Variants in RABGAP1 observed in about 807,000 individuals in gnomAD.
The protein encoded by RABGAP1 is RAB GTPase activating protein 1.
A neutral mutation model predicts 137.6 loss-of-function variants in RABGAP1; 23 were observed. That is an observed-to-expected ratio of 0.17 (90% CI 0.12 to 0.24). RABGAP1 has a LOEUF of 0.24. Among genes scored for constraint, RABGAP1 ranks in the 10% least tolerant of loss-of-function variants. The pLI is 1.00. For missense variants in RABGAP1, 906 were observed against 1,275.8 expected, an observed-to-expected ratio of 0.71 and a Z score of 4.42; for synonymous variants, 451 against 450.7, an observed-to-expected ratio of 1.00 and a Z score of -0.01.
chr9:123,082,764 C>A (rs541083408), intron 19 of RABGAP1, among the ~76,000 whole-genome samples: 1 of 152,332 alleles, frequency 6.6e-6, no homozygotes, highest in African/African-American at 2.4e-5. Flanking sequence ...AGAAAAGATA[C>A]TAGTACAAAA....
intron 13 of RABGAP1, among the ~76,000 whole-genome samples, chr9:123,021,900 A>C (rs916916593): frequency 6.6e-6 from 1 of 152,240 alleles, no homozygotes; most frequent in Non-Finnish European, 1.5e-5. Context: ...GGGAGCCATC[A>C]AAAGAAGTTA....
rs930038020 is a variant in RABGAP1, at chr9:122,992,044, C to CT, written c.923+1841dup. Reference sequence around the variant, plus strand: ...CCTTTAAACTAAATATATTTTCTTTCTTTTTTTTTTGAGACAGAGCCTTGC... The same window carrying CT: ...CCTTTAAACTAAATATATTTTCTTTCTTTTTTTTTTTGAGACAGAGCCTTGC... On this transcript the variant is annotated intron_variant, in intron 6 of 25. Coordinates refer to ENST00000373647, the MANE Select transcript of RABGAP1 (RefSeq NM_012197.4). 6.7e-3 allele frequency among the ~76,000 whole-genome samples: 987 copies of CT among 148,402 alleles called. 6 individuals carry two copies. The highest frequency in any genetic ancestry group is 0.022 in the African/African-American group (894 of 40,528).
At chr9:122,981,379 G>A (rs564781747) in intron 2 of RABGAP1, among the ~76,000 whole-genome samples, 1 of 152,246 alleles carries the variant, frequency 6.6e-6, no homozygotes, top group East Asian at 1.9e-4. Context: ...ATGTATTAAT[G>A]TTGACTATAT....
chr9:122,979,781 T>A (rs1027741255), intron 2 of RABGAP1, among the ~76,000 whole-genome samples: 3 of 152,262 alleles, frequency 2.0e-5, no homozygotes, highest in Admixed American at 6.5e-5. Flanking sequence ...TGTGTGCATC[T>A]GTTTCTGGAC....
At chr9:123,037,725 T>G (rs551631700) in intron 13 of RABGAP1, among the ~76,000 whole-genome samples, 5 of 152,194 alleles carry the variant, frequency 3.3e-5, no homozygotes, top group African/African-American at 4.8e-5. Flanking sequence ...TCTTATTTTG[T>G]TGTGTGTGTA....
At chr9:122,933,539 C>A in the RABGAP1 span, among the ~76,000 whole-genome samples, 23 of 151,706 alleles carry the variant, frequency 1.5e-4, no homozygotes, top group Non-Finnish European at 2.6e-4. Context: ...CTGCCACCTT[C>A]GCCTCCCGGG....
chr9:122,990,812 T>A (rs1200080868), intron 6 of RABGAP1: 152 of 104,218 alleles, frequency 1.5e-3, no homozygotes, highest in Non-Finnish European at 1.9e-3. Flanking sequence ...TATATATATA[T>A]ATATATATAT....
At chr9:123,098,244 C>G (rs758396607) in intron 22 of RABGAP1, among the ~76,000 whole-genome samples, 4 of 152,252 alleles carry the variant, frequency 2.6e-5, no homozygotes, top group Non-Finnish European at 5.9e-5. Context: ...AGACACAGAC[C>G]TGCAGGCATG....
chr9:122,990,896 G>A (rs970093423), intron 6 of RABGAP1: 1 of 132,910 alleles, frequency 7.5e-6, no homozygotes, highest in African/African-American at 2.9e-5. Flanking sequence ...GTATTTGCTT[G>A]TTTTAGTTGG....
At chr9:122,937,703 A>G (rs2131552986), upstream of RABGAP1, 1 of 152,366 alleles carries the variant, frequency 6.6e-6, no homozygotes, top group East Asian at 1.9e-4. Context: ...AATTATAAAA[A>G]GGAGCTGAGG....
At chr9:123,088,411 A>C (rs1379521001) in intron 19 of RABGAP1, among the ~76,000 whole-genome samples, 1 of 151,956 alleles carries the variant, frequency 6.6e-6, no homozygotes, top group South Asian at 2.1e-4. Flanking sequence ...ATTATATCTC[A>C]TAACTTTTGA....
At chr9:123,095,625 G>A (rs969854863) in intron 21 of RABGAP1, among the ~76,000 whole-genome samples, 5 of 151,774 alleles carry the variant, frequency 3.3e-5, no homozygotes, top group South Asian at 4.2e-4. Context: ...TTGTTTGAGC[G>A]CAGGAGTTCA....
rs59639446 is a variant in RABGAP1, at chr9:123,047,919, G to GTTTTTTTTTTTTTTTTTTTTTTTTT, written c.1795-17417_1795-17393dup. Reference sequence around the variant, plus strand: ...TATCTAGCCATTTTACAGCTGCTGGGTTTTTTTTTTTTTTTTTTTTTTTTT... The same window carrying GTTTTTTTTTTTTTTTTTTTTTTTTT: ...TATCTAGCCATTTTACAGCTGCTGGGTTTTTTTTTTTTTTTTTTTTTTTTTTTTTTTTTTTTTTTTTTTTTTTTTT... On this transcript the variant is annotated intron_variant, in intron 13 of 25. Coordinates refer to ENST00000373647, the MANE Select transcript of RABGAP1 (RefSeq NM_012197.4). 2.1e-4 allele frequency among the ~76,000 whole-genome samples: 13 copies of GTTTTTTTTTTTTTTTTTTTTTTTTT among 62,282 alleles called. 4 individuals are homozygous for GTTTTTTTTTTTTTTTTTTTTTTTTT. Among genetic ancestry groups the GTTTTTTTTTTTTTTTTTTTTTTTTT allele is most frequent in the Non-Finnish European group, 3.9e-4 (11 of 28,026 alleles). 40.9% of individuals were successfully genotyped at this position (62,282 alleles called of 152,430 possible). A position where few individuals can be genotyped will look rare whatever the true frequency, so the allele number is the denominator to read the frequency against.
chr9:123,002,169 C>T (rs7862642), intron 10 of RABGAP1, among the ~76,000 whole-genome samples: 4 of 151,832 alleles, frequency 2.6e-5, no homozygotes, highest in Non-Finnish European at 5.9e-5. Flanking sequence ...GGCGTAGTGG[C>T]GCATGCCTGT....
chr9:123,017,771 G>A (rs1403239777), intron 12 of RABGAP1, among the ~76,000 whole-genome samples: 2 of 152,162 alleles, frequency 1.3e-5, no homozygotes, highest in Non-Finnish European at 2.9e-5. Flanking sequence ...CCATATTTTA[G>A]GCACTGTGCT....
intron 13 of RABGAP1, among the ~76,000 whole-genome samples, chr9:123,041,537 C>T (rs2032952158): frequency 6.6e-6 from 1 of 152,098 alleles, no homozygotes; most frequent in South Asian, 2.1e-4. Context: ...TGACAGACCT[C>T]CTGCTAAATG....
intron 1 of RABGAP1, among the ~76,000 whole-genome samples, chr9:122,946,475 CAT>C (rs1405530108): frequency 6.6e-6 from 1 of 152,128 alleles, no homozygotes; most frequent in Non-Finnish European, 1.5e-5. Context: ...TAAAAATACT[CAT>C]ATTTTTACAT....
chr9:123,061,755 A>G (rs920545906), intron 13 of RABGAP1: 6 of 152,232 alleles, frequency 3.9e-5, no homozygotes, highest in African/African-American at 1.4e-4. Flanking sequence ...AACAACTGAC[A>G]ATACTTTTGC....
intron 2 of RABGAP1, among the ~76,000 whole-genome samples, chr9:122,977,621 G>T (rs892921596): frequency 6.6e-6 from 1 of 152,096 alleles, no homozygotes; most frequent in Non-Finnish European, 1.5e-5. Context: ...CATGAGAATC[G>T]CTTGAACCCA....
Sources: allele counts gnomAD v4.1 joint callset (sites outside exome capture counted in the v4.1 genomes callset), GRCh38; gene constraint gnomAD v4.1.1; transcripts MANE v1.5; gene names NCBI Gene and HGNC (gene_info 2026-07-23, HGNC 2026-07-21).